RYR3: variants seen among roughly 807,000 people sequenced by gnomAD.
RYR3 encodes ryanodine receptor 3.
A neutral mutation model predicts 584.3 loss-of-function variants in RYR3; 207 were observed. The observed-to-expected ratio is 0.35, with a 90% confidence interval of 0.32 to 0.40. The LOEUF is 0.40. Ranked by LOEUF, RYR3 falls within the 10% of genes least tolerant of loss-of-function variation. The pLI is 1.00. For synonymous variants in RYR3, 2,416 were observed against 2,248.5 expected, an observed-to-expected ratio of 1.07 and a Z score of -2.11; for missense variants, 5,616 against 6,089.2, an observed-to-expected ratio of 0.92 and a Z score of 2.59.
At chr15:33,504,990 T>C (rs1208761343) in intron 3 of RYR3, among the ~76,000 whole-genome samples, 4 of 152,352 alleles carry the variant, frequency 2.6e-5, no homozygotes, top group Non-Finnish European at 5.9e-5. Flanking sequence ...TTTTCTGTCA[T>C]AGCTCTTATC....
intron 38 of RYR3, among the ~76,000 whole-genome samples, chr15:33,692,125 C>CTG (rs2152757872): frequency 6.6e-6 from 1 of 152,294 alleles, no homozygotes; most frequent in South Asian, 2.1e-4. Context: ...CTTTAATCAT[C>CTG]AGATATACAG....
intron 12 of RYR3, among the ~76,000 whole-genome samples, chr15:33,576,084 C>G (rs1030732864): frequency 4.6e-5 from 7 of 152,092 alleles, no homozygotes; most frequent in African/African-American, 1.7e-4. Flanking sequence ...CCTGAATAGA[C>G]CAATGATGAG....
At chr15:33,347,214 C>T (rs1210268751) in intron 1 of RYR3, among the ~76,000 whole-genome samples, 1 of 152,148 alleles carries the variant, frequency 6.6e-6, no homozygotes, top group East Asian at 1.9e-4. Context: ...ACAGCCTACA[C>T]TTAAGGAGTG....
chr15:33,319,420 A>G (rs1294011693), intron 1 of RYR3, among the ~76,000 whole-genome samples: 1 of 152,200 alleles, frequency 6.6e-6, no homozygotes, highest in Non-Finnish European at 1.5e-5. Context: ...ACACTTGGCT[A>G]TTGTTCCAAT....
intron 1 of RYR3, among the ~76,000 whole-genome samples, chr15:33,380,049 G>A (rs762169850): frequency 4.6e-5 from 7 of 152,176 alleles, no homozygotes; most frequent in Non-Finnish European, 1.0e-4. Context: ...CGCACTGGCA[G>A]CCGACTGGGT....
rs1326761634 is a variant in RYR3, at chr15:33,336,474, GAGAGAGAGAGAGAA to G, written c.51+25382_51+25395del. Among the ~76,000 whole-genome samples, 40 of 40,482 alleles carry G rather than the reference GAGAGAGAGAGAGAA, an allele frequency of 9.9e-4. 17 individuals are homozygous for G. The highest frequency in any genetic ancestry group is 8.8e-3 in the African/African-American group (37 of 4,184). The allele number at this position is 40,482 out of a possible 152,430, so 26.6% of individuals were successfully genotyped here. ...AGAGAGAGAGAGAGAGAGAGAGAGAGAGAGAGAGAGAGAAAGAAAGAAAGAAAGAAGGAGGGAAG... is the reference window on the plus strand; with the variant it reads ...AGAGAGAGAGAGAGAGAGAGAGAGAGAGAAAGAAAGAAAGAAGGAGGGAAG... On this transcript the variant is annotated intron_variant, in intron 1 of 103. Transcript: ENST00000634891.
intron 18 of RYR3, among the ~76,000 whole-genome samples, chr15:33,609,997 TTCTC>T (rs752224581): frequency 1.6e-4 from 24 of 152,322 alleles, no homozygotes; most frequent in Admixed American, 2.0e-4. Context: ...TTGTTCCTCT[TTCTC>T]AGTGGTGAAG....
intron 87 of RYR3, among the ~76,000 whole-genome samples, chr15:33,836,592 C>T (rs761142760): frequency 1.3e-5 from 2 of 152,184 alleles, no homozygotes; most frequent in African/African-American, 2.4e-5. Flanking sequence ...ACGTAAACTA[C>T]TAGAGATACC....
chr15:33,680,031 G>A (rs975142252), intron 38 of RYR3, among the ~76,000 whole-genome samples: 1 of 152,192 alleles, frequency 6.6e-6, no homozygotes, highest in African/African-American at 2.4e-5. Flanking sequence ...GCATGGGTTT[G>A]AATCCAAACT....
intron 3 of RYR3, among the ~76,000 whole-genome samples, chr15:33,507,271 G>A (rs887770742): frequency 1.3e-5 from 2 of 152,184 alleles, no homozygotes; most frequent in African/African-American, 4.8e-5. Context: ...TAATTTAACA[G>A]CAAAGAGGTT....
intron 65 of RYR3, among the ~76,000 whole-genome samples, chr15:33,781,683 C>A (rs932952279): frequency 6.6e-6 from 1 of 152,150 alleles, no homozygotes; most frequent in African/African-American, 2.4e-5. Context: ...TAATAAAAAT[C>A]TTTCACTGAG....
intron 18 of RYR3, among the ~76,000 whole-genome samples, chr15:33,609,501 C>A (rs1027930532): frequency 6.6e-6 from 1 of 152,168 alleles, no homozygotes; most frequent in African/African-American, 2.4e-5. Flanking sequence ...ACTGAAAATA[C>A]AAAAATTATC....
At chr15:33,447,345 A>G (rs145267713) in intron 1 of RYR3, among the ~76,000 whole-genome samples, 4 of 152,332 alleles carry the variant, frequency 2.6e-5, no homozygotes, top group Non-Finnish European at 5.9e-5. Context: ...ATAACTGGGT[A>G]TGAACTGGGC....
chr15:33,664,851 C>G (rs1262922381), intron 36 of RYR3, among the ~76,000 whole-genome samples: 1 of 152,000 alleles, frequency 6.6e-6, no homozygotes, highest in Non-Finnish European at 1.5e-5. Flanking sequence ...CAATTACTTT[C>G]CTAACCTATT....
intron 1 of RYR3, among the ~76,000 whole-genome samples, chr15:33,448,940 A>C (rs2046891199): frequency 6.6e-6 from 1 of 152,040 alleles, no homozygotes; most frequent in South Asian, 2.1e-4. Flanking sequence ...CAGGTTTAGA[A>C]AGGGAAGTGG....
At chr15:33,719,219 C>T (rs187736824) in intron 43 of RYR3, among the ~76,000 whole-genome samples, 128 of 152,326 alleles carry the variant, frequency 8.4e-4, no homozygotes, top group African/African-American at 3.0e-3. Flanking sequence ...TAATCAAGGG[C>T]CGGCTTCCTG....
intron 7 of RYR3, among the ~76,000 whole-genome samples, chr15:33,541,631 T>G (rs2055827415): frequency 6.6e-6 from 1 of 152,164 alleles, no homozygotes; most frequent in Non-Finnish European, 1.5e-5. Flanking sequence ...ATCACAGGCT[T>G]TAGCCCTATT....
At position 33,448,370 on chromosome 15, in the gene RYR3, A is replaced by C. The variant is rs537079658; in HGVS notation, c.52-25049A>C. Among the ~76,000 whole-genome samples, 5 of 152,364 alleles carry C rather than the reference A, an allele frequency of 3.3e-5. No individual in the cohort carries two copies. The South Asian group carries it at 1.0e-3, about 32-fold the overall frequency. ...TTGCCCTGAGGCTACCCAATCTACC[A>C]GTGAACAAGAATAGGACCCTGAAAG... is the stretch of plus-strand genomic sequence containing the variant. On this transcript the variant is annotated intron_variant, in intron 1 of 103. Coordinates refer to ENST00000634891, the MANE Select transcript of RYR3 (RefSeq NM_001036.6).
chr15:33,717,485 A>C (rs1427558334), intron 43 of RYR3, among the ~76,000 whole-genome samples: 1 of 152,126 alleles, frequency 6.6e-6, no homozygotes, highest in Non-Finnish European at 1.5e-5. Flanking sequence ...AGTTCTGTTG[A>C]TTCAGCATCT....
Sources: gnomAD v4.1 joint callset for allele counts (sites outside exome capture counted in the v4.1 genomes callset) on GRCh38, gnomAD v4.1.1 for gene constraint, MANE v1.5 for transcripts, NCBI Gene and HGNC (gene_info 2026-07-23, HGNC 2026-07-21) for gene names.